Variants in CORO7 observed in about 807,000 individuals in gnomAD.
CORO7 encodes coronin-7.
CORO7 carries 107 observed loss-of-function variants against 126.6 expected under a neutral mutation model. The ratio of observed to expected loss-of-function variants is 0.85; its 90% CI spans 0.72 to 0.99. The LOEUF (loss-of-function observed/expected upper bound fraction) is 0.99, where lower values mean the gene tolerates loss of function less well. Ranked by LOEUF, CORO7 falls within the 50% of genes least tolerant of loss-of-function variation. The probability of loss-of-function intolerance (pLI) is 0.00; values close to 1 mark genes in which losing one functional copy is unlikely to be tolerated. For missense variants in CORO7, 1,314 were observed against 1,255.8 expected, an observed-to-expected ratio of 1.05 and a Z score of -0.70; for synonymous variants, 603 against 536.8, an observed-to-expected ratio of 1.12 and a Z score of -1.70.
intron 9 of CORO7, among the ~76,000 whole-genome samples, chr16:4,377,359 T>A (rs1215029021): frequency 3.6e-4 from 7 of 19,492 alleles, no homozygotes; most frequent in Non-Finnish European, 5.5e-4. Context: ...GGTGGGAGGG[T>A]GGGTGGGCGG....
intron 19 of CORO7, 106 bp from the exon 20 acceptor site, chr16:4,360,654 C>T: frequency 1.4e-6 from 2 of 1,415,292 alleles, no homozygotes; most frequent in Non-Finnish European, 1.9e-6. Context: ...CTCCTCACTG[C>T]TGTTCCCGCC....
intron 19 of CORO7, among the ~76,000 whole-genome samples, 174 bp from the exon 20 acceptor site, chr16:4,360,722 GC>G (rs548493392): frequency 1.5e-5 from 2 of 130,322 alleles, no homozygotes; most frequent in East Asian, 4.3e-4. Context: ...CTCACTGCTG[GC>G]CCCCCTTCTC....
intron 9 of CORO7, chr16:4,383,603 A>T (rs758381413): frequency 1.5e-5 from 1 of 68,450 alleles, no homozygotes; most frequent in African/African-American, 7.6e-5. Context: ...CTGGGGAGCC[A>T]GGGCCCCTCA....
At chr16:4,372,234 C>A (rs1478272873) in intron 9 of CORO7, among the ~76,000 whole-genome samples, 2 of 152,156 alleles carry the variant, frequency 1.3e-5, no homozygotes, top group East Asian at 3.9e-4. Flanking sequence ...GTGCGGTGAG[C>A]CCGCGAGGCT....
intron 9 of CORO7, among the ~76,000 whole-genome samples, chr16:4,384,147 C>CCCAGT (rs1218433220): frequency 2.6e-5 from 4 of 152,174 alleles, no homozygotes; most frequent in African/African-American, 9.7e-5. Context: ...AGAAAGGGGC[C>CCCAGT]GAGCCCCAGT....
intron 9 of CORO7, among the ~76,000 whole-genome samples, chr16:4,377,175 G>C (rs1047198312): frequency 1.3e-5 from 2 of 152,156 alleles, no homozygotes; most frequent in African/African-American, 4.8e-5. Context: ...GAGGAACTTG[G>C]GTGGAGGACG....
In CORO7 at chr16:4,359,400, G is replaced by T; in HGVS notation, c.2251-15C>A. The T allele has an allele frequency of 6.2e-7, 1 of 1,613,598 alleles. No individual in the cohort carries two copies. The highest frequency in any genetic ancestry group is 1.1e-5 in the South Asian group (1 of 91,080). On this transcript the variant is annotated splice_polypyrimidine_tract_variant and intron_variant, in intron 22 of 27. Transcript: ENST00000251166. ...CGGGTGTCGCCCTGCGGGGAAGAAG[G>T]CAGGCTGGGAACCCTCCGGCAACAC... is the stretch of plus-strand genomic sequence containing the variant.
chr16:4,408,954 C>T (rs2056107334), intron 3 of CORO7, among the ~76,000 whole-genome samples: 1 of 152,104 alleles, frequency 6.6e-6, no homozygotes, highest in African/African-American at 2.4e-5. Flanking sequence ...CAGAGCCAGA[C>T]CTTGTCTCAA....
rs1215949296 is a variant in CORO7 at position 4,388,019 on chromosome 16, G to A, written c.752C>T (p.Ala251Val). The A allele has an allele frequency of 6.2e-7, 1 of 1,613,172 alleles. No individual in the cohort carries two copies. Among genetic ancestry groups the A allele is most frequent in the South Asian group, 1.1e-5 (1 of 91,070 alleles). The part of the protein sequence containing the change: ...KLWDTRFFSS[A>V]LASLTLDTSL... ...GGTGTCCAAGGTGAGGGAGGCCAGG[G>A]CGCTGGAGAAGAACCGCGTGTCCCA... The change falls in exon 9 of 28, where the codon GCC becomes GTC. Residue 251 changes from alanine to valine, a missense_variant. Coordinates refer to ENST00000251166, the MANE Select transcript of CORO7 (RefSeq NM_024535.5).
intron 9 of CORO7, among the ~76,000 whole-genome samples, chr16:4,385,332 C>T (rs563091794): frequency 8.6e-5 from 13 of 152,044 alleles, no homozygotes; most frequent in Non-Finnish European, 1.8e-4. Flanking sequence ...TCCCCAGCCA[C>T]GGGTGGGGCT....
chr16:4,382,487 C>A (rs771607752), intron 9 of CORO7: 1 of 1,600,906 alleles, frequency 6.2e-7, no homozygotes. Context: ...TGTGTCATGC[C>A]TTTGGGGCCC....
In CORO7 at chr16:4,362,618, G is replaced by A; in HGVS notation, c.1396C>T (p.Leu466=). ...CCCCGTCCTGCCTCCTTACCCAGCAGGCTCTGCAGCGACCTCAAACTGGGG... is the reference window on the plus strand; with the variant it reads ...CCCCGTCCTGCCTCCTTACCCAGCAAGCTCTGCAGCGACCTCAAACTGGGG... ...TSPSLRSLQS[L]LGPSSKFRHA... is the part of the protein sequence containing the mutation. Residue 466 remains leucine, a synonymous_variant, in exon 15 of 28, where the codon CTG becomes TTG. Coordinates refer to ENST00000251166, the MANE Select transcript of CORO7 (RefSeq NM_024535.5). The surrounding 1 kb of genome is among the most constrained non-coding windows in gnomAD (Gnocchi z 5.3). The A allele has an allele frequency of 1.3e-6, 2 of 1,559,402 alleles. No homozygotes were observed. Among genetic ancestry groups the A allele is most frequent in the Non-Finnish European group, 8.7e-7 (1 of 1,155,682 alleles).
intron 8 of CORO7, 118 bp from the exon 9 acceptor site, chr16:4,388,186 A>C (rs1322461130): frequency 7.5e-7 from 1 of 1,332,780 alleles, no homozygotes; most frequent in Non-Finnish European, 1.0e-6. Flanking sequence ...GCCCCAGAGC[A>C]GGGCTTGGAG....
intron 6 of CORO7, among the ~76,000 whole-genome samples, chr16:4,401,043 T>C (rs187723871): frequency 1.7e-4 from 26 of 152,282 alleles, no homozygotes; most frequent in African/African-American, 5.3e-4. Context: ...TCCCGCTCCA[T>C]GTGCAGCCCC....
chr16:4,412,490 C>G (rs2056248350), intron 2 of CORO7, 60 bp from the exon 3 acceptor site: 1 of 1,574,202 alleles, frequency 6.4e-7, no homozygotes. Context: ...ACCTCCTTGC[C>G]CAGGGATCCC....
chr16:4,392,061 C>T (rs894871591), intron 7 of CORO7, among the ~76,000 whole-genome samples: 2 of 152,166 alleles, frequency 1.3e-5, no homozygotes, highest in African/African-American at 4.8e-5. Flanking sequence ...CCACTTACCC[C>T]CTTCCCTCCT....
intron 3 of CORO7, among the ~76,000 whole-genome samples, chr16:4,409,639 G>A (rs1010422516): frequency 6.6e-6 from 1 of 152,238 alleles, no homozygotes; most frequent in Non-Finnish European, 1.5e-5. Flanking sequence ...GACAGGGCCA[G>A]CTTCAGAACC....
rs770463379 is a variant in CORO7, at chr16:4,388,588, C to G, written c.659G>C (p.Trp220Ser). The change falls in exon 8 of 28, where the codon TGG (tryptophan) becomes TCG (serine). Residue 220 changes from tryptophan (W) to serine (S), a missense_variant. Coordinates refer to ENST00000251166, the MANE Select transcript of CORO7 (RefSeq NM_024535.5). ...HENSRDSRLA[W>S]MGTWEHLVST... ...CACAAGGTGCTCCCAGGTGCCCATCCATGCCAGCCGGCTATCCCTGCTGTT... is the reference window on the plus strand; with the variant it reads ...CACAAGGTGCTCCCAGGTGCCCATCGATGCCAGCCGGCTATCCCTGCTGTT... 5.0e-6 allele frequency: 8 copies of G among 1,613,162 alleles called. No homozygotes were observed. In the South Asian group the frequency reaches 8.8e-5, roughly 18 times the overall value.
chr16:4,409,160 C>G (rs895133152), intron 3 of CORO7, among the ~76,000 whole-genome samples: 2 of 152,198 alleles, frequency 1.3e-5, no homozygotes, highest in African/African-American at 4.8e-5. Context: ...CAGCGACCAC[C>G]TGCTGCTGTC....
Sources: allele counts gnomAD v4.1 joint callset (sites outside exome capture counted in the v4.1 genomes callset), GRCh38; gene constraint gnomAD v4.1.1; non-coding constraint Gnocchi (gnomAD v3.1); transcripts MANE v1.5; gene names NCBI Gene and HGNC (gene_info 2026-07-23, HGNC 2026-07-21).